Variants in PCLO observed in about 807,000 individuals in gnomAD.
PCLO encodes piccolo presynaptic cytomatrix protein.
In PCLO, 82 loss-of-function variants were observed where a neutral mutation model predicts 427.5. The ratio of observed to expected loss-of-function variants is 0.19; its 90% CI spans 0.16 to 0.23. The LOEUF is 0.23. Among genes scored for constraint, PCLO ranks in the 10% least tolerant of loss-of-function variants. The pLI, the probability that PCLO is intolerant of heterozygous loss-of-function variation, is 1.00. For synonymous variants in PCLO, 2,357 were observed against 2,155.4 expected (o/e 1.09, Z -2.59); for missense variants, 6,239 against 6,115.9 (o/e 1.02, Z -0.67).
intron 3 of PCLO, among the ~76,000 whole-genome samples, chr7:83,038,045 A>ATATATATATATT (rs1788861867): frequency 8.5e-5 from 3 of 35,188 alleles, no homozygotes; most frequent in Admixed American, 5.1e-4. Flanking sequence ...ATATTTATAT[A>ATATATATATATT]TATATCTTTA....
intron 3 of PCLO, among the ~76,000 whole-genome samples, chr7:83,113,166 T>G (rs1584040481): frequency 1.3e-5 from 2 of 152,298 alleles, no homozygotes; most frequent in South Asian, 4.1e-4. Flanking sequence ...CAGAAGGTCC[T>G]CTTATCATCA....
At position 83,062,765 on chromosome 7, in the gene PCLO, C is replaced by A. The variant is rs138477281; in HGVS notation, c.3300+71485G>T. Among the ~76,000 whole-genome samples the A allele has an allele frequency of 8.2e-3, 1,244 of 152,164 alleles. 9 individuals are homozygous for A. The highest frequency in any genetic ancestry group is 0.028 in the African/African-American group (1,157 of 41,546). On this transcript the variant is annotated intron_variant, in intron 3 of 24. Transcript: ENST00000333891. The stretch of plus-strand genomic sequence containing the variant: ...TTTGTATTTCCTTGGCACTTCCCAT[C>A]TCCTCCATTCACCATAACTAATCCT...
At position 82,845,462 on chromosome 7, in the gene PCLO, C is replaced by A. The variant is rs375000836; in HGVS notation, c.13855G>T (p.Val4619Phe). ...KAVDKAKSPGVDPKQLAAELQ... is the reference protein window; with the variant it reads ...KAVDKAKSPGFDPKQLAAELQ... ...TCTGCTGCCAACTGCTTAGGATCAACCCCTGGGGATTTCGCCTTATCCACT... is the reference window on the plus strand; with the variant it reads ...TCTGCTGCCAACTGCTTAGGATCAAACCCTGGGGATTTCGCCTTATCCACT... Residue 4619 changes from valine to phenylalanine, a missense_variant, in exon 13 of 25, where the codon GTT becomes TTT. Val to Phe is a conservative substitution (Grantham distance 50). Coordinates refer to ENST00000333891, the MANE Select transcript of PCLO (RefSeq NM_033026.6). 7 of 1,612,356 alleles carry A rather than the reference C, an allele frequency of 4.3e-6. No individual in the cohort carries two copies. The African/African-American group carries it at 9.3e-5, about 22-fold the overall frequency.
intron 3 of PCLO, among the ~76,000 whole-genome samples, chr7:83,027,270 G>A (rs1416789041): frequency 6.7e-6 from 1 of 149,796 alleles, no homozygotes; most frequent in Non-Finnish European, 1.5e-5. Context: ...ATGAAAAAGG[G>A]GATATCACCA....
intron 20 of PCLO, among the ~76,000 whole-genome samples, chr7:82,808,563 G>GT (rs1179439263): frequency 6.6e-6 from 1 of 151,812 alleles, no homozygotes; most frequent in Non-Finnish European, 1.5e-5. Context: ...TTGAAAGCCT[G>GT]TGCAAGTGTT....
In PCLO at chr7:82,953,135, C is replaced by T; in HGVS notation, c.7818G>A (p.Leu2606=). 2 of 1,613,932 alleles carry T rather than the reference C, an allele frequency of 1.2e-6. No individual in the cohort carries two copies. Among genetic ancestry groups the T allele is most frequent in the Non-Finnish European group, 1.7e-6 (2 of 1,179,882 alleles). ...SASQAITSWP[L]GSPSKDLVSV... ...AAACCAGATCTTTGGAGGGTGATCC[C>T]AAGGGCCAACTGGTAATTGCTTGAC... The change falls in exon 5 of 25, where the codon TTG becomes TTA. Residue 2606 remains leucine, a synonymous_variant. Coordinates refer to ENST00000333891, the MANE Select transcript of PCLO (RefSeq NM_033026.6).
At chr7:83,068,801 A>T (rs1789734856) in intron 3 of PCLO, among the ~76,000 whole-genome samples, 1 of 152,196 alleles carries the variant, frequency 6.6e-6, no homozygotes, top group African/African-American at 2.4e-5. Flanking sequence ...TGAAACCTGT[A>T]TTTTGAAGAG....
chr7:83,087,092 G>T (rs899277997), intron 3 of PCLO, among the ~76,000 whole-genome samples: 2 of 147,910 alleles, frequency 1.4e-5, no homozygotes, highest in Non-Finnish European at 3.0e-5. Flanking sequence ...GGGGGAGGGA[G>T]GGAAAGCATT....
intron 2 of PCLO, among the ~76,000 whole-genome samples, chr7:83,146,734 G>A (rs1429300565): frequency 1.3e-5 from 2 of 151,904 alleles, no homozygotes; most frequent in East Asian, 3.9e-4. Flanking sequence ...CAGAGTAGCT[G>A]GGATTACAGG....
chr7:83,029,345 A>C (rs1243302884), intron 3 of PCLO, among the ~76,000 whole-genome samples: 1 of 151,944 alleles, frequency 6.6e-6, no homozygotes, highest in Non-Finnish European at 1.5e-5. Flanking sequence ...ATGCAGCAAA[A>C]AAACACATGA....
In PCLO at chr7:82,815,868, T is replaced by C. The variant is rs73169320; in HGVS notation, c.14791+6627A>G. 6.0e-4 allele frequency among the ~76,000 whole-genome samples: 91 copies of C among 152,300 alleles called. 1 individual carries two copies. The South Asian group carries it at 8.5e-3, about 14-fold the overall frequency. On this transcript the variant is annotated intron_variant, in intron 20 of 24. Transcript: ENST00000333891. ...AAATTATAATTAAATTAACGAATTA[T>C]ACTTTTCAGTATCTAAAACACATTA...
chr7:83,032,452 C>A lies in PCLO; in HGVS notation c.3301-65965G>T, dbSNP rs1053244957. ...CTTCCTTCCCTTCCCTCCCTTGCCT[C>A]CCTTCCCTCCCTTCCCTCCCTTCCT... is the stretch of plus-strand genomic sequence containing the variant. On this transcript the variant is annotated intron_variant, in intron 3 of 24. Coordinates refer to ENST00000333891, the MANE Select transcript of PCLO (RefSeq NM_033026.6). Among the ~76,000 whole-genome samples, 27 of 146,818 alleles carry A rather than the reference C, an allele frequency of 1.8e-4. 1 individual carries two copies. The highest frequency in any genetic ancestry group is 1.3e-3 in the South Asian group (6 of 4,458).
chr7:82,807,897 G>A (rs1020083213), intron 20 of PCLO, among the ~76,000 whole-genome samples: 10 of 151,982 alleles, frequency 6.6e-5, no homozygotes, highest in Non-Finnish European at 1.2e-4. Context: ...TGTGGAAACA[G>A]AATAGTTATG....
At position 82,902,689 on chromosome 7, in the gene PCLO, A is replaced by G. The variant is rs1277818278; in HGVS notation, c.13490T>C (p.Ile4497Thr). 1 of 1,601,186 alleles carries G rather than the reference A, an allele frequency of 6.2e-7. No homozygotes were observed. Among genetic ancestry groups the G allele is most frequent in the Admixed American group, 1.7e-5 (1 of 59,802 alleles). Reference protein sequence around the residue: ...TMHYIFPHARIKITRDSKDHT... With the variant: ...TMHYIFPHARTKITRDSKDHT... The stretch of plus-strand genomic sequence containing the variant: ...ATCCTTTGAGTCTCTTGTTATTTTT[A>G]TCCTTGCGTGAGGAAAGATGTAGTG... The change falls in exon 9 of 25, where the codon ATA (isoleucine) becomes ACA (threonine). Residue 4497 changes from isoleucine (I) to threonine (T), a missense_variant. Physicochemically the swap from Ile to Thr is moderately conservative, Grantham distance 89. Coordinates refer to ENST00000333891, the MANE Select transcript of PCLO (RefSeq NM_033026.6).
At chr7:83,093,890 T>C (rs904150413) in intron 3 of PCLO, among the ~76,000 whole-genome samples, 9 of 151,094 alleles carry the variant, frequency 6.0e-5, no homozygotes, top group Non-Finnish European at 8.8e-5. Flanking sequence ...TCAAATGTTA[T>C]TGCAAGGAAT....
intron 10 of PCLO, chr7:82,848,896 C>A: frequency 4.9e-6 from 2 of 410,400 alleles, no homozygotes; most frequent in South Asian, 1.8e-5. Context: ...TCAGATGGGC[C>A]TTAGGTTTAT....
intron 14 of PCLO, among the ~76,000 whole-genome samples, chr7:82,840,130 T>C (rs1792330803): frequency 6.6e-6 from 1 of 152,038 alleles, no homozygotes; most frequent in African/African-American, 2.4e-5. Context: ...AGAAGGCTAT[T>C]AAGAATCAGA....
intron 3 of PCLO, among the ~76,000 whole-genome samples, chr7:83,112,532 G>A (rs1791032339): frequency 6.6e-6 from 1 of 152,098 alleles, no homozygotes; most frequent in South Asian, 2.1e-4. Flanking sequence ...TCAGACCACA[G>A]CTGACAAATG....
At chr7:83,061,086 CA>C (rs1268130180) in intron 3 of PCLO, among the ~76,000 whole-genome samples, 3 of 152,006 alleles carry the variant, frequency 2.0e-5, no homozygotes, top group African/African-American at 7.2e-5. Context: ...TGGCTTGAAA[CA>C]ACAAAAATTT....
Sources: allele counts gnomAD v4.1 joint callset (sites outside exome capture counted in the v4.1 genomes callset), GRCh38; gene constraint gnomAD v4.1.1; transcripts MANE v1.5; gene names NCBI Gene and HGNC (gene_info 2026-07-23, HGNC 2026-07-21).